The following BCKDHB variants were observed in gnomAD, a reference collection of about 807,000 sequenced individuals.
BCKDHB encodes the protein branched chain keto acid dehydrogenase E1 subunit beta.
BCKDHB carries 41 observed loss-of-function variants against 48.5 expected under a neutral mutation model. The observed-to-expected ratio is 0.85, with a 90% CI of 0.66 to 1.10. BCKDHB has a LOEUF of 1.10. Ranked by LOEUF, BCKDHB falls within the 50% of genes least tolerant of loss-of-function variation. The pLI, the probability that BCKDHB is intolerant of heterozygous loss-of-function variation, is 0.00. For synonymous variants in BCKDHB, 201 were observed against 174.8 expected (o/e 1.15, Z -1.18); for missense variants, 496 against 494.2 (o/e 1.00, Z -0.03).
At chr6:80,456,944 C>G in the BCKDHB span, among the ~76,000 whole-genome samples, 2 of 152,182 alleles carry the variant, frequency 1.3e-5, no homozygotes, top group Admixed American at 6.6e-5. Flanking sequence ...GTATTGACAG[C>G]CAAACACATT....
At chr6:80,409,328 T>A in the BCKDHB span, among the ~76,000 whole-genome samples, 3 of 151,768 alleles carry the variant, frequency 2.0e-5, no homozygotes, top group African/African-American at 7.3e-5. Context: ...ATAAGTTCGA[T>A]GAGGTGCTGA....
Position 80,273,138 on chromosome 6 carries a change from G to C in BCKDHB, c.955G>C (p.Val319Leu). The C allele has an allele frequency of 6.2e-7, 1 of 1,612,856 alleles. No homozygotes were observed. Among genetic ancestry groups the C allele is most frequent in the South Asian group, 1.1e-5 (1 of 91,032 alleles). The change falls in exon 9 of 10, where the codon GTG (valine) becomes CTG (leucine). Residue 319 changes from valine to leucine, a missense_variant. Coordinates refer to ENST00000320393, the MANE Select transcript of BCKDHB (RefSeq NM_183050.4). Reference sequence around the variant, plus strand: ...AGGTTTTTCTTTTCTCTTTCAGTCTGTGATCAAAACAGGGCGACTGCTAAT... The same window carrying C: ...AGGTTTTTCTTTTCTCTTTCAGTCTCTGATCAAAACAGGGCGACTGCTAAT... ...PWDVDTICKS[V>L]IKTGRLLISH...
chr6:80,401,545 T>C, the BCKDHB span, among the ~76,000 whole-genome samples: 1 of 151,818 alleles, frequency 6.6e-6, no homozygotes, highest in Non-Finnish European at 1.5e-5. Context: ...TGTGATCTAA[T>C]TAAACCTCCT....
At chr6:80,247,863 GT>G (rs567181119) in intron 8 of BCKDHB, among the ~76,000 whole-genome samples, 2 of 152,160 alleles carry the variant, frequency 1.3e-5, no homozygotes, top group Non-Finnish European at 2.9e-5. Flanking sequence ...CATTGGGGTG[GT>G]TTTGATTCTT....
At chr6:80,225,150 T>C (rs1008096503) in intron 8 of BCKDHB, among the ~76,000 whole-genome samples, 2 of 152,228 alleles carry the variant, frequency 1.3e-5, no homozygotes, top group Non-Finnish European at 2.9e-5. Context: ...ATCTCCTGGT[T>C]TGCAGATGCA....
chr6:80,429,589 A>T, the BCKDHB span, among the ~76,000 whole-genome samples: 159 of 152,316 alleles, frequency 1.0e-3, 1 homozygote, highest in South Asian at 0.03. Flanking sequence ...GGTCCTTCAC[A>T]TCCCTTGTAA....
intron 8 of BCKDHB, among the ~76,000 whole-genome samples, chr6:80,238,525 A>G (rs572988303): frequency 7.9e-4 from 120 of 152,308 alleles, no homozygotes; most frequent in Non-Finnish European, 1.6e-3. Flanking sequence ...GTAGGCTCAG[A>G]GACTCTCCAG....
At chr6:80,119,181 G>A (rs1407223439) in intron 1 of BCKDHB, among the ~76,000 whole-genome samples, 1 of 152,110 alleles carries the variant, frequency 6.6e-6, no homozygotes, top group South Asian at 2.1e-4. Flanking sequence ...TCCCTGGGGT[G>A]GCTGTGGTGT....
At chr6:80,432,106 C>T in the BCKDHB span, among the ~76,000 whole-genome samples, 2 of 151,918 alleles carry the variant, frequency 1.3e-5, no homozygotes, top group Non-Finnish European at 2.9e-5. Flanking sequence ...CCTGACCTTT[C>T]TCTCTGGCTG....
chr6:80,203,283 T>C, intron 8 of BCKDHB, 71 bp downstream of exon 8: 1 of 1,113,978 alleles, frequency 9.0e-7, no homozygotes, highest in East Asian at 2.4e-5. Flanking sequence ...TATTTGCAAA[T>C]AATTCTTTTG....
intron 9 of BCKDHB, among the ~76,000 whole-genome samples, chr6:80,322,532 T>C (rs1286313605): frequency 6.6e-6 from 1 of 152,124 alleles, no homozygotes; most frequent in East Asian, 1.9e-4. Flanking sequence ...CCCCCACACC[T>C]GGCAGACGTG....
chr6:80,450,343 G>T, the BCKDHB span, among the ~76,000 whole-genome samples: 1 of 151,820 alleles, frequency 6.6e-6, no homozygotes, highest in Non-Finnish European at 1.5e-5. Context: ...TTTTTTCTTA[G>T]AAAGAAACAT....
intron 1 of BCKDHB, among the ~76,000 whole-genome samples, chr6:80,123,952 TCTTG>T (rs1770191886): frequency 6.6e-6 from 1 of 152,208 alleles, no homozygotes; most frequent in African/African-American, 2.4e-5. Context: ...ATTTATTTGC[TCTTG>T]CTTCTCTAGT....
At chr6:80,252,270 A>AT (rs1776867842) in intron 8 of BCKDHB, among the ~76,000 whole-genome samples, 1 of 152,114 alleles carries the variant, frequency 6.6e-6, no homozygotes, top group Admixed American at 6.6e-5. Context: ...CACTGGACTT[A>AT]TTTTTTTCTA....
intron 9 of BCKDHB, among the ~76,000 whole-genome samples, chr6:80,324,010 G>T (rs1254992246): frequency 6.6e-6 from 1 of 152,150 alleles, no homozygotes. Context: ...CTGACCTCGT[G>T]ATCCACCTGC....
intron 8 of BCKDHB, among the ~76,000 whole-genome samples, chr6:80,267,093 GCTCAATGTAATA>G (rs1582470216): frequency 6.6e-6 from 1 of 151,976 alleles, no homozygotes; most frequent in African/African-American, 2.4e-5. Flanking sequence ...GGCATAATTT[GCTCAATGTAATA>G]TCTATTTGCC....
chr6:80,263,974 T>C (rs1777408198), intron 8 of BCKDHB, among the ~76,000 whole-genome samples: 1 of 152,164 alleles, frequency 6.6e-6, no homozygotes, highest in Non-Finnish European at 1.5e-5. Flanking sequence ...CAGAGGATAT[T>C]AGTAATTGTT....
the BCKDHB span, among the ~76,000 whole-genome samples, chr6:80,370,796 G>A: frequency 1.6e-3 from 97 of 62,474 alleles, no homozygotes; most frequent in African/African-American, 4.4e-3. Flanking sequence ...TATATATAGC[G>A]TGTGTGTGTG....
At chr6:80,121,973 A>G (rs1250475184) in intron 1 of BCKDHB, among the ~76,000 whole-genome samples, 1 of 152,116 alleles carries the variant, frequency 6.6e-6, no homozygotes, top group Non-Finnish European at 1.5e-5. Context: ...ATTTAGTATG[A>G]TATCGGCTGT....
Sources: allele counts gnomAD v4.1 joint callset (sites outside exome capture counted in the v4.1 genomes callset), GRCh38; gene constraint gnomAD v4.1.1; transcripts MANE v1.5; gene names NCBI Gene and HGNC (gene_info 2026-07-23, HGNC 2026-07-21).